TRERF1: variants seen among roughly 807,000 people sequenced by gnomAD.
The protein encoded by TRERF1 is transcriptional-regulating factor 1.
In TRERF1, 27 loss-of-function variants were observed where a neutral mutation model predicts 122.9. The observed-to-expected ratio is 0.22, with a 90% CI of 0.16 to 0.30. TRERF1 has a LOEUF of 0.30. TRERF1 is among the 10% of genes least tolerant of loss of function. The pLI is 1.00. For missense variants in TRERF1, 1,248 were observed against 1,560.3 expected (o/e 0.80, Z 3.37); for synonymous variants, 636 against 641.7 (o/e 0.99, Z 0.13).
chr6:42,442,716 G>A lies in TRERF1; in HGVS notation c.-454+8461C>T, dbSNP rs1786748092. Reference sequence around the variant, plus strand: ...TGAGTATTTCCAACTAAGCTCATTGGAGTTGTAAGCCCAAAACACCCAGAT... The same window carrying A: ...TGAGTATTTCCAACTAAGCTCATTGAAGTTGTAAGCCCAAAACACCCAGAT... On this transcript the variant is annotated intron_variant, in intron 2 of 17. Transcript: ENST00000372922. Among the ~76,000 whole-genome samples, 3 of 152,214 alleles carry A rather than the reference G, an allele frequency of 2.0e-5. 1 individual carries two copies. The South Asian group carries it at 6.2e-4, about 32-fold the overall frequency.
chr6:42,267,198 G>A (rs1305780137), intron 5 of TRERF1, among the ~76,000 whole-genome samples: 1 of 148,600 alleles, frequency 6.7e-6, no homozygotes, highest in Non-Finnish European at 1.5e-5. Context: ...TCAGGCCCAG[G>A]TGGCATGCAC....
intron 2 of TRERF1, among the ~76,000 whole-genome samples, chr6:42,445,771 C>T (rs1787404346): frequency 6.6e-6 from 1 of 152,134 alleles, no homozygotes. Context: ...CCACTCCTCT[C>T]CATGCACCTC....
chr6:42,324,568 G>C (rs1763971661), intron 3 of TRERF1, among the ~76,000 whole-genome samples: 1 of 152,088 alleles, frequency 6.6e-6, no homozygotes, highest in Admixed American at 6.6e-5. Flanking sequence ...TAGATCAATG[G>C]AAGAGAAGAG....
intron 2 of TRERF1, among the ~76,000 whole-genome samples, chr6:42,409,643 G>A (rs1000837827): frequency 4.6e-5 from 7 of 152,174 alleles, no homozygotes; most frequent in African/African-American, 1.7e-4. Flanking sequence ...TAAAAATTGT[G>A]TCATTTGCAA....
chr6:42,418,552 T>C (rs1425991897), intron 2 of TRERF1, among the ~76,000 whole-genome samples: 1 of 152,096 alleles, frequency 6.6e-6, no homozygotes, highest in Admixed American at 6.6e-5. Flanking sequence ...GTTACAGGCG[T>C]GAGCCACCGT....
At chr6:42,350,691 G>T (rs529479390) in intron 3 of TRERF1, among the ~76,000 whole-genome samples, 4 of 152,186 alleles carry the variant, frequency 2.6e-5, no homozygotes, top group African/African-American at 4.8e-5. Context: ...TCAGGAAAAA[G>T]AGTCTGGTTT....
intron 3 of TRERF1, among the ~76,000 whole-genome samples, chr6:42,334,082 AAT>A (rs958574917): frequency 1.6e-4 from 24 of 151,886 alleles, no homozygotes; most frequent in Admixed American, 1.2e-3. Context: ...CATACACATG[AAT>A]ATATATATGT....
chr6:42,383,251 T>G (rs1383503850), intron 2 of TRERF1, among the ~76,000 whole-genome samples: 1 of 152,004 alleles, frequency 6.6e-6, no homozygotes, highest in Non-Finnish European at 1.5e-5. Flanking sequence ...AACAAAAACA[T>G]ATTGAGCATA....
intron 3 of TRERF1, among the ~76,000 whole-genome samples, chr6:42,315,707 C>CCT: frequency 1.7e-5 from 1 of 57,500 alleles, no homozygotes; most frequent in East Asian, 1.1e-3. Flanking sequence ...AGGAACACCA[C>CCT]CCCCCCCCCC....
rs751900571 is a variant in TRERF1 at position 42,269,706 on chromosome 6, C to T, written c.-116G>A. On this transcript the variant is annotated 5_prime_UTR_variant, in exon 5 of 18. In the 5' UTR this introduces an upstream ATG that the reference lacks. Coordinates refer to ENST00000372922, the Ensembl canonical transcript of TRERF1. The surrounding 1 kb of genome is among the most constrained non-coding windows in gnomAD (Gnocchi z 4.9). ...AGAGAAAAGTGTCAGCACTACTCCA[C>T]GGCTGACATGTCTGTGAACGTGGCT... 19 of 1,461,760 alleles carry T rather than the reference C, an allele frequency of 1.3e-5. No individual in the cohort carries two copies. Among genetic ancestry groups the T allele is most frequent in the Middle Eastern group, 4.9e-4 (2 of 4,048 alleles). 90.5% of individuals were successfully genotyped at this position (1,461,760 alleles called of 1,614,324 possible). A position where few individuals can be genotyped will look rare whatever the true frequency, so the allele number is the denominator to read the frequency against.
In TRERF1 at chr6:42,301,527, C is replaced by T. The variant is rs185638847; in HGVS notation, c.-370-778G>A. 1.3e-3 allele frequency among the ~76,000 whole-genome samples: 202 copies of T among 152,170 alleles called. 1 individual carries two copies. Among genetic ancestry groups the T allele is most frequent in the African/African-American group, 4.5e-3 (188 of 41,502 alleles). ...ACAGGCGTGGGCCACCGTGCCCAGC[C>T]GAAGGACCAGTTTTTAAAAAATTTT... On this transcript the variant is annotated intron_variant, in intron 3 of 17. Coordinates refer to ENST00000372922, the Ensembl canonical transcript of TRERF1.
chr6:42,421,460 T>G (rs913557553), intron 2 of TRERF1, among the ~76,000 whole-genome samples: 4 of 152,128 alleles, frequency 2.6e-5, no homozygotes, highest in African/African-American at 9.7e-5. Flanking sequence ...CTTTCCTTTC[T>G]ATTCATTTCC....
At chr6:42,367,652 A>G (rs1772999728) in intron 2 of TRERF1, among the ~76,000 whole-genome samples, 1 of 152,140 alleles carries the variant, frequency 6.6e-6, no homozygotes, top group Admixed American at 6.6e-5. Context: ...GATTTGGGCC[A>G]AAATGTGTGG....
At chr6:42,439,414 A>G (rs977881988) in intron 2 of TRERF1, among the ~76,000 whole-genome samples, 1 of 152,136 alleles carries the variant, frequency 6.6e-6, no homozygotes, top group Admixed American at 6.5e-5. Flanking sequence ...AAGACATGGT[A>G]TACCCTTAAG....
intron 3 of TRERF1, among the ~76,000 whole-genome samples, chr6:42,340,650 G>A (rs917521715): frequency 1.3e-5 from 2 of 152,044 alleles, no homozygotes; most frequent in Non-Finnish European, 2.9e-5. Flanking sequence ...ACTCAGGCTG[G>A]AGTGCAGTGG....
At chr6:42,434,663 C>T (rs1379970480) in intron 2 of TRERF1, among the ~76,000 whole-genome samples, 1 of 121,880 alleles carries the variant, frequency 8.2e-6, no homozygotes, top group African/African-American at 3.1e-5. Context: ...AGCAGACACC[C>T]TCCACCACAC....
intron 2 of TRERF1, among the ~76,000 whole-genome samples, chr6:42,395,050 A>C (rs1249350614): frequency 6.6e-6 from 1 of 152,194 alleles, no homozygotes; most frequent in Non-Finnish European, 1.5e-5. Context: ...TCCCAGGAAA[A>C]CAAGACAGGT....
chr6:42,396,478 G>A lies in TRERF1; in HGVS notation c.-453-33399C>T, dbSNP rs147525377. 1.0e-3 allele frequency among the ~76,000 whole-genome samples: 155 copies of A among 152,262 alleles called. 1 individual carries two copies. The East Asian group carries it at 0.026, about 25-fold the overall frequency. Reference sequence around the variant, plus strand: ...ACCCAGCCCATCTTCCCAAGAGGGGGAAATGATAGAGAATAATAAATATTT... The same window carrying A: ...ACCCAGCCCATCTTCCCAAGAGGGGAAAATGATAGAGAATAATAAATATTT... On this transcript the variant is annotated intron_variant, in intron 2 of 17. Coordinates refer to ENST00000372922, the Ensembl canonical transcript of TRERF1.
At chr6:42,385,166 G>A (rs111432869) in intron 2 of TRERF1, among the ~76,000 whole-genome samples, 13,992 of 151,918 alleles carry the variant, frequency 0.092, 977 homozygotes, top group African/African-American at 0.19. Flanking sequence ...TAGCAGAGGC[G>A]GGGTTTTGCC....
Sources: allele counts gnomAD v4.1 joint callset (sites outside exome capture counted in the v4.1 genomes callset), GRCh38; gene constraint gnomAD v4.1.1; non-coding constraint Gnocchi (gnomAD v3.1); transcripts MANE v1.5; gene names NCBI Gene and HGNC (gene_info 2026-07-23, HGNC 2026-07-21).